Variants in ZNF516 observed in about 807,000 individuals in gnomAD.
ZNF516 encodes zinc finger protein 516.
In ZNF516, 19 loss-of-function variants were observed where a neutral mutation model predicts 79.7. The observed-to-expected ratio is 0.24, with a 90% confidence interval of 0.17 to 0.35. The LOEUF is 0.35. ZNF516 is among the 10% of genes least tolerant of loss of function. The pLI is 1.00. For synonymous variants in ZNF516, 877 were observed against 739.5 expected (o/e 1.19, Z -3.02); for missense variants, 1,678 against 1,679.5 (o/e 1.00, Z 0.02).
At chr18:76,402,124 C>T (rs552075633) in intron 3 of ZNF516, among the ~76,000 whole-genome samples, 11 of 152,310 alleles carry the variant, frequency 7.2e-5, no homozygotes, top group African/African-American at 2.2e-4. Flanking sequence ...AGCCTTAGCC[C>T]CGCGCCTTCT....
At position 76,379,309 on chromosome 18, in the gene ZNF516, G is replaced by A. The variant is rs1275031216; in HGVS notation, c.2805C>T (p.Val935=). ...AGGGCTGCGCGCCAGCCCGGGCGATGACGGTGGGCGTAGGGGTGGCGCTCC... is the reference window on the plus strand; with the variant it reads ...AGGGCTGCGCGCCAGCCCGGGCGATAACGGTGGGCGTAGGGGTGGCGCTCC... The part of the protein sequence containing the change: ...FSRSATPTPT[V]IARAGAQPSA... Residue 935 remains valine (V), a synonymous_variant, in exon 4 of 7, where the codon GTC becomes GTT. Transcript: ENST00000443185. 6.2e-7 allele frequency: 1 copy of A among 1,606,334 alleles called. No homozygotes were observed. The highest frequency in any genetic ancestry group is 1.3e-5 in the African/African-American group (1 of 74,804).
intron 3 of ZNF516, among the ~76,000 whole-genome samples, chr18:76,414,323 G>A (rs1413995971): frequency 6.6e-6 from 1 of 152,188 alleles, no homozygotes; most frequent in African/African-American, 2.4e-5. Flanking sequence ...ATTTAAAGTT[G>A]GGATACCAGT....
At position 76,380,309 on chromosome 18, in the gene ZNF516, G is replaced by A. The variant is rs1014256306; in HGVS notation, c.1811-6C>T. On this transcript the variant is annotated splice_region_variant and splice_polypyrimidine_tract_variant and intron_variant, in intron 3 of 6. Coordinates refer to ENST00000443185, the MANE Select transcript of ZNF516 (RefSeq NM_014643.4). ...GCAGCGGCGCGGCTGTCCCCCTAGA[G>A]GAGGCAAAATATGAAACGGGAAGTT... is the stretch of plus-strand genomic sequence containing the variant. 1.6e-5 allele frequency: 26 copies of A among 1,609,888 alleles called. No homozygotes were observed. Among genetic ancestry groups the A allele is most frequent in the East Asian group, 1.6e-4 (7 of 44,794 alleles).
At position 76,441,467 on chromosome 18, in the gene ZNF516, T is replaced by G. The variant is rs759556009; in HGVS notation, c.1588A>C (p.Met530Leu). The G allele has an allele frequency of 5.6e-6, 9 of 1,604,506 alleles. No individual in the cohort carries two copies. Among genetic ancestry groups the G allele is most frequent in the South Asian group, 2.2e-5 (2 of 90,046 alleles). The change falls in exon 3 of 7, where the codon ATG becomes CTG. Residue 530 changes from methionine to leucine, a missense_variant. Physicochemically the swap from Met to Leu is conservative, Grantham distance 15. This residue lies in a region of ZNF516 where 1,294 missense variants were observed against 1,248.3 expected (regional missense o/e 1.04). Coordinates refer to ENST00000443185, the MANE Select transcript of ZNF516 (RefSeq NM_014643.4). ...CGATGCACGCGTGAGTGCAGCACCA[T>G]CTGATGATAGGTGCGGAAGATCTTG... ...CGKIFRTYHQ[M>L]VLHSRVHRRA...
intron 3 of ZNF516, among the ~76,000 whole-genome samples, chr18:76,392,219 A>T (rs1373541857): frequency 6.6e-6 from 1 of 152,224 alleles, no homozygotes. Flanking sequence ...ACTTCACAGA[A>T]AGGGAAAGAA....
At chr18:76,435,681 T>C (rs1181139923) in intron 3 of ZNF516, among the ~76,000 whole-genome samples, 2 of 152,248 alleles carry the variant, frequency 1.3e-5, no homozygotes, top group African/African-American at 2.4e-5. Context: ...ACTCATACTT[T>C]ACTCCCAACG....
At chr18:76,483,438 C>G (rs1914644593) in intron 1 of ZNF516, among the ~76,000 whole-genome samples, 1 of 152,240 alleles carries the variant, frequency 6.6e-6, no homozygotes, top group Admixed American at 6.5e-5. Context: ...TCCCTGCCCA[C>G]TCCTGTGGGA....
chr18:76,424,030 G>A (rs547746199), intron 3 of ZNF516, among the ~76,000 whole-genome samples: 1 of 118,898 alleles, frequency 8.4e-6, no homozygotes, highest in African/African-American at 3.4e-5. Flanking sequence ...CCACACGCAG[G>A]TGAAAGGGTC....
At position 76,473,370 on chromosome 18, in the gene ZNF516, A is replaced by C. The variant is rs888446669; in HGVS notation, c.-271-10229T>G. 1.9e-4 allele frequency among the ~76,000 whole-genome samples: 29 copies of C among 150,724 alleles called. No homozygotes were observed. The South Asian group carries it at 2.3e-3, about 12-fold the overall frequency. On this transcript the variant is annotated intron_variant, in intron 1 of 6. Coordinates refer to ENST00000443185, the MANE Select transcript of ZNF516 (RefSeq NM_014643.4). ...TTGCTCTCTGCAAAAAAAAAAAAAA[A>C]AAAAAAAAACACCTATGACTGAGGA...
chr18:76,438,293 G>A (rs1434381293), intron 3 of ZNF516, among the ~76,000 whole-genome samples: 3 of 152,218 alleles, frequency 2.0e-5, no homozygotes, highest in Non-Finnish European at 4.4e-5. Flanking sequence ...AGGTTTGTAT[G>A]TCTCCTTGCA....
intron 2 of ZNF516, among the ~76,000 whole-genome samples, chr18:76,460,372 C>G (rs949508329): frequency 6.6e-6 from 1 of 152,162 alleles, no homozygotes; most frequent in Non-Finnish European, 1.5e-5. Flanking sequence ...ACCTTCCAGG[C>G]CCCCGCTCTC....
At chr18:76,492,100 A>T in intron 1 of ZNF516, 1 of 937,950 alleles carries the variant, frequency 1.1e-6, no homozygotes, top group Non-Finnish European at 1.3e-6. Flanking sequence ...GTCTCCCTGC[A>T]GGGGTCTCCG....
rs547000725 is a variant in ZNF516, at chr18:76,382,069, T to A, written c.1811-1766A>T. Among the ~76,000 whole-genome samples, 10 of 151,978 alleles carry A rather than the reference T, an allele frequency of 6.6e-5. No individual in the cohort carries two copies. The East Asian group carries it at 1.9e-3, about 29-fold the overall frequency. Reference sequence around the variant, plus strand: ...ATCGCTTGAACCCAGGAGGTGGAGGTTGCAGTGAGCTGACATCACGCCACT... The same window carrying A: ...ATCGCTTGAACCCAGGAGGTGGAGGATGCAGTGAGCTGACATCACGCCACT... On this transcript the variant is annotated intron_variant, in intron 3 of 6. Coordinates refer to ENST00000443185, the MANE Select transcript of ZNF516 (RefSeq NM_014643.4).
intron 3 of ZNF516, among the ~76,000 whole-genome samples, chr18:76,430,603 G>A (rs1033584597): frequency 6.6e-6 from 1 of 152,238 alleles, no homozygotes; most frequent in Admixed American, 6.5e-5. Context: ...AAGCATGTAT[G>A]TAAGTTTTCT....
chr18:76,434,829 G>A (rs1259963305), intron 3 of ZNF516, among the ~76,000 whole-genome samples: 1 of 152,244 alleles, frequency 6.6e-6, no homozygotes, highest in Admixed American at 6.5e-5. Flanking sequence ...AAGGACAGCA[G>A]CTTCGGTGGA....
At chr18:76,460,749 G>C (rs1158218871) in intron 2 of ZNF516, among the ~76,000 whole-genome samples, 2 of 152,194 alleles carry the variant, frequency 1.3e-5, no homozygotes, top group East Asian at 1.9e-4. Context: ...CCGAGAGAGA[G>C]ATCACTTGCA....
chr18:76,495,892 A>C (rs1416757779), upstream of ZNF516: 4 of 435,920 alleles, frequency 9.2e-6, no homozygotes, highest in Non-Finnish European at 1.4e-5. Context: ...GTCCTGAATC[A>C]AGGGTCACAG....
chr18:76,488,211 C>G, intron 1 of ZNF516: 1 of 985,348 alleles, frequency 1.0e-6, no homozygotes, highest in Non-Finnish European at 1.2e-6. Context: ...GATGCAGCTC[C>G]CAACAACAGA....
chr18:76,365,389 A>C (rs2074598729), intron 6 of ZNF516, among the ~76,000 whole-genome samples: 1 of 152,224 alleles, frequency 6.6e-6, no homozygotes, highest in Non-Finnish European at 1.5e-5. Flanking sequence ...AAATCATTTT[A>C]ATTTCTAATG....
Sources: allele counts gnomAD v4.1 joint callset (sites outside exome capture counted in the v4.1 genomes callset), GRCh38; gene constraint gnomAD v4.1.1; regional missense constraint gnomAD v4.1.1; transcripts MANE v1.5; gene names NCBI Gene and HGNC (gene_info 2026-07-23, HGNC 2026-07-21).